The following D2HGDH variants were observed in gnomAD, a reference collection of about 807,000 sequenced individuals.
D2HGDH encodes the protein D-2-hydroxyglutarate dehydrogenase, also known as D-2-hydroxyglutarate dehydrogenase, mitochondrial.
In D2HGDH, 31 loss-of-function variants were observed where a neutral mutation model predicts 46.9. That is an observed-to-expected ratio of 0.66 (90% CI 0.50 to 0.89). The LOEUF (loss-of-function observed/expected upper bound fraction) is 0.89. Ranked by LOEUF, D2HGDH falls within the 40% of genes least tolerant of loss-of-function variation. D2HGDH has a pLI of 0.00. For missense variants in D2HGDH, 698 were observed against 720.8 expected, an observed-to-expected ratio of 0.97 and a Z score of 0.36; for synonymous variants, 364 against 332.6, an observed-to-expected ratio of 1.09 and a Z score of -1.03.
chr2:241,745,949 T>C (rs1388823581), intron 6 of D2HGDH, among the ~76,000 whole-genome samples: 2 of 152,230 alleles, frequency 1.3e-5, no homozygotes, highest in Non-Finnish European at 2.9e-5. Context: ...GAAGGGATTC[T>C]GCCTCTCTCC....
In D2HGDH at chr2:241,743,677, G is replaced by A; in HGVS notation, c.546G>A (p.Glu182=). 1 of 1,614,082 alleles carries A rather than the reference G, an allele frequency of 6.2e-7. No individual in the cohort carries two copies. Among genetic ancestry groups the A allele is most frequent in the Non-Finnish European group, 8.5e-7 (1 of 1,180,006 alleles). The change falls in exon 5 of 10, where the codon GAG becomes GAA. Residue 182 remains glutamate (E), a synonymous_variant. Transcript: ENST00000321264. The surrounding 1 kb of genome is among the most constrained non-coding windows in gnomAD (Gnocchi z 4.8). ...CVLEELSRYV[E]ERDFIMPLDL... is the part of the protein sequence containing the mutation. ...TGGAGGAGCTGAGCCGGTATGTGGA[G>A]GAACGGGACTTCATCATGCCGCTGG...
At chr2:241,751,865 G>A (rs1456450118) in intron 8 of D2HGDH, among the ~76,000 whole-genome samples, 4 of 152,176 alleles carry the variant, frequency 2.6e-5, no homozygotes, top group Non-Finnish European at 5.9e-5. Flanking sequence ...TGAGGCCAAA[G>A]GAAGGAGGGG....
chr2:241,747,272 C>T (rs1696104412), intron 6 of D2HGDH, among the ~76,000 whole-genome samples: 1 of 152,140 alleles, frequency 6.6e-6, no homozygotes, highest in African/African-American at 2.4e-5. Context: ...GGTTCATGCT[C>T]CTGGCTCCTT....
At chr2:241,741,218 A>G in intron 3 of D2HGDH, 128 bp downstream of exon 3, 2 of 859,294 alleles carry the variant, frequency 2.3e-6, no homozygotes, top group Non-Finnish European at 3.8e-6. Flanking sequence ...TGTGTGTCTC[A>G]GTGTTTGTTC....
chr2:241,762,362 G>A (rs751120957), intron 9 of D2HGDH, among the ~76,000 whole-genome samples: 3 of 152,132 alleles, frequency 2.0e-5, no homozygotes, highest in Non-Finnish European at 4.4e-5. Flanking sequence ...GAGCCACCGC[G>A]CCCAGCCTGC....
intron 6 of D2HGDH, among the ~76,000 whole-genome samples, chr2:241,748,487 C>T (rs568199338): frequency 2.0e-5 from 3 of 152,354 alleles, no homozygotes; most frequent in East Asian, 3.9e-4. Flanking sequence ...CACTGGGTCA[C>T]GTGGCCTAGC....
At chr2:241,749,195 C>T (rs908735020) in intron 6 of D2HGDH, 2 of 872,994 alleles carry the variant, frequency 2.3e-6, no homozygotes, top group Middle Eastern at 5.6e-4. Context: ...CCCTCCAACA[C>T]CACCACCACC....
chr2:241,755,823 T>A, intron 8 of D2HGDH, 26 bp from the exon 9 acceptor site: 2 of 1,610,816 alleles, frequency 1.2e-6, no homozygotes, highest in South Asian at 2.2e-5. Context: ...TAGCCAGCCC[T>A]TGTCTCATCT....
intron 2 of D2HGDH, 106 bp downstream of exon 2, chr2:241,735,622 C>T (rs1416579170): frequency 2.0e-6 from 3 of 1,485,452 alleles, no homozygotes; most frequent in Admixed American, 1.9e-5. Flanking sequence ...GGGGTGCCAG[C>T]CCCTGGCTGC....
chr2:241,752,009 ATTGGTCACTGTTACC>A lies in D2HGDH; in HGVS notation c.1140+622_1140+636del, dbSNP rs1697320554. On this transcript the variant is annotated intron_variant, in intron 8 of 9. Transcript: ENST00000321264. ...CACCGGGGCCTGGATAGTGGGAGCC[ATTGGTCACTGTTACC>A]GGGACCTGGGTGGGAGGAGCCCTCA... Among the ~76,000 whole-genome samples, 7 of 89,996 alleles carry A rather than the reference ATTGGTCACTGTTACC, an allele frequency of 7.8e-5. No individual in the cohort carries two copies. In the East Asian group the frequency reaches 8.6e-4, roughly 11 times the overall value. The allele number at this position is 89,996 out of a possible 152,430, so 59.0% of individuals were successfully genotyped here. A position where few individuals can be genotyped will look rare whatever the true frequency, so the allele number is the denominator to read the frequency against.
At chr2:241,739,726 A>C (rs1439004769) in intron 2 of D2HGDH, among the ~76,000 whole-genome samples, 2 of 152,260 alleles carry the variant, frequency 1.3e-5, no homozygotes, top group African/African-American at 2.4e-5. Flanking sequence ...GGCATTCAGC[A>C]AATAAGGCGG....
At position 241,746,999 on chromosome 2, in the gene D2HGDH, A is replaced by G. The variant is rs188408056; in HGVS notation, c.853+2122A>G. The stretch of plus-strand genomic sequence containing the variant: ...AAGTTTTTTTTAGAGACAAGGTCTC[A>G]CTCTGTTGCCCAAGCTGAAGTGCAG... On this transcript the variant is annotated intron_variant, in intron 6 of 9. Coordinates refer to ENST00000321264, the MANE Select transcript of D2HGDH (RefSeq NM_152783.5). Among the ~76,000 whole-genome samples, 1,256 of 151,890 alleles carry G rather than the reference A, an allele frequency of 8.3e-3. 15 individuals carry two copies. Among genetic ancestry groups the G allele is most frequent in the African/African-American group, 0.029 (1,182 of 41,444 alleles).
chr2:241,763,441 T>TGG (rs1283681751), intron 9 of D2HGDH, among the ~76,000 whole-genome samples: 1 of 152,182 alleles, frequency 6.6e-6, no homozygotes, highest in Non-Finnish European at 1.5e-5. Flanking sequence ...CACACCTGCC[T>TGG]GGGGTGCCCA....
intron 2 of D2HGDH, chr2:241,735,810 C>G: frequency 2.2e-6 from 1 of 462,438 alleles, no homozygotes. Context: ...GTCGCCAGGC[C>G]GGAGTGCAGT....
intron 8 of D2HGDH, 47 bp downstream of exon 8, chr2:241,751,435 C>G (rs773319376): frequency 2.0e-5 from 32 of 1,608,578 alleles, no homozygotes; most frequent in Non-Finnish European, 2.6e-5. Flanking sequence ...TCCGTCCAGT[C>G]CAGCCTTGTC....
intron 2 of D2HGDH, among the ~76,000 whole-genome samples, chr2:241,738,079 A>G (rs980153345): frequency 1.4e-4 from 21 of 152,356 alleles, no homozygotes; most frequent in African/African-American, 5.0e-4. Flanking sequence ...CTTTCCCTGC[A>G]GAAAGGCTGG....
intron 6 of D2HGDH, chr2:241,748,775 C>G (rs1374297997): frequency 3.7e-6 from 4 of 1,092,760 alleles, no homozygotes; most frequent in Admixed American, 8.5e-5. Context: ...CTTCTGCCGA[C>G]TTACTCTCTG....
At chr2:241,747,040 C>T (rs1433105972) in intron 6 of D2HGDH, among the ~76,000 whole-genome samples, 1 of 151,722 alleles carries the variant, frequency 6.6e-6, no homozygotes, top group Non-Finnish European at 1.5e-5. Context: ...TGATCATAGC[C>T]CCTGGGTTCA....
Position 241,767,833 on chromosome 2 carries a change from G to A in D2HGDH, c.1430G>A (p.Gly477Glu). ...CAGGGCAGCGTCAGCGCGGAGCACG[G>A]AGTGGGCTTCAGGAAGAGGGACGTC... is the stretch of plus-strand genomic sequence containing the variant. ...GQQGSVSAEH[G>E]VGFRKRDVLG... The change falls in exon 10 of 10, where the codon GGA (glycine) becomes GAA (glutamate). Residue 477 changes from glycine (G) to glutamate (E), a missense_variant. Coordinates refer to ENST00000321264, the MANE Select transcript of D2HGDH (RefSeq NM_152783.5). The A allele has an allele frequency of 6.2e-7, 1 of 1,612,472 alleles. No individual in the cohort carries two copies. The highest frequency in any genetic ancestry group is 8.5e-7 in the Non-Finnish European group (1 of 1,179,540).
Sources: gnomAD v4.1 joint callset for allele counts (sites outside exome capture counted in the v4.1 genomes callset) on GRCh38, gnomAD v4.1.1 for gene constraint, Gnocchi (gnomAD v3.1) non-coding constraint, MANE v1.5 for transcripts, NCBI Gene and HGNC (gene_info 2026-07-23, HGNC 2026-07-21) for gene names.